The following CFAP46 variants were observed in gnomAD, a reference collection of about 807,000 sequenced individuals.
CFAP46 encodes the protein cilia and flagella associated protein 46, also known as cilia- and flagella-associated protein 46.
A neutral mutation model predicts 325.7 loss-of-function variants in CFAP46; 245 were observed. That is an observed-to-expected ratio of 0.75 (90% CI 0.68 to 0.84). CFAP46 has a LOEUF of 0.84. Among genes scored for constraint, CFAP46 ranks in the 40% least tolerant of loss-of-function variants. The probability of loss-of-function intolerance (pLI) is 0.00; values close to 1 mark genes in which losing one functional copy is unlikely to be tolerated. For missense variants in CFAP46, 3,346 were observed against 3,543.0 expected (o/e 0.94, Z 1.41); for synonymous variants, 1,523 against 1,495.9 (o/e 1.02, Z -0.42).
Position 132,916,583 on chromosome 10 carries a change from G to A in CFAP46, c.2086C>T (p.Pro696Ser). The part of the protein sequence containing the change: ...SQHPAGYVPE[P>S]PEVNAEWITY... ...ATCCACTCAGCATTCACCTCCGGGG[G>A]CTCAGGCACGTAGCCAGCTGGGTGC... Residue 696 changes from proline (P) to serine (S), a missense_variant, in exon 17 of 58, where the codon CCC becomes TCC. Transcript: ENST00000368586. The A allele has an allele frequency of 2.6e-6, 4 of 1,547,364 alleles. No individual in the cohort carries two copies. The highest frequency in any genetic ancestry group is 2.4e-5 in the South Asian group (2 of 83,854).
chr10:132,836,319 C>T, intron 45 of CFAP46, 101 bp from the exon 46 acceptor site: 1 of 1,097,758 alleles, frequency 9.1e-7, no homozygotes, highest in Non-Finnish European at 1.4e-6. Context: ...GAGGCCAACT[C>T]TGCAGACCAT....
At chr10:132,855,754 C>T (rs1031163634) in intron 39 of CFAP46, among the ~76,000 whole-genome samples, 6 of 152,174 alleles carry the variant, frequency 3.9e-5, no homozygotes, top group Non-Finnish European at 7.3e-5. Flanking sequence ...GCATAGAAAC[C>T]TTGCATTTGT....
chr10:132,825,281 GTGC>G lies in CFAP46; in HGVS notation c.7117+8074_7117+8076del, dbSNP rs565881519. On this transcript the variant is annotated intron_variant, in intron 50 of 57. Coordinates refer to ENST00000368586, the MANE Select transcript of CFAP46 (RefSeq NM_001200049.3). Reference sequence around the variant, plus strand: ...GTGAGTGCTGATGTGTGCTGTGTGTGTGCTGATGTGTGCTGTGTGTACTGATGT... The same window carrying G: ...GTGAGTGCTGATGTGTGCTGTGTGTGTGATGTGTGCTGTGTGTACTGATGT... Among the ~76,000 whole-genome samples the G allele has an allele frequency of 7.0e-3, 1,055 of 151,052 alleles. 12 individuals carry two copies. The Middle Eastern group carries it at 0.095, about 14-fold the overall frequency.
At position 132,814,181 on chromosome 10, in the gene CFAP46, C is replaced by T. The variant is rs374050226; in HGVS notation, c.7359G>A (p.Ala2453=). 7.2e-5 allele frequency: 116 copies of T among 1,613,914 alleles called. No individual in the cohort carries two copies. The highest frequency in any genetic ancestry group is 6.5e-4 in the Admixed American group (39 of 60,018). The change falls in exon 54 of 58, where the codon GCG becomes GCA. Residue 2453 remains alanine (A), a synonymous_variant. Transcript: ENST00000368586. ...RFQDTFTSRW[A]GHLGSKHFPS... ...GAAAGTGCTTGCTTCCCAGATGTCCCGCCCATCGCGACGTGAATGTGTCTT... is the reference window on the plus strand; with the variant it reads ...GAAAGTGCTTGCTTCCCAGATGTCCTGCCCATCGCGACGTGAATGTGTCTT...
In CFAP46 at chr10:132,884,359, G is replaced by A. The variant is rs571593947; in HGVS notation, c.3627+744C>T. ...AGACCCCCAACCATCCTCAGTTCCC[G>A]ATGCCAAGGGCCCCCTGGACCCCAG... On this transcript the variant is annotated intron_variant, in intron 27 of 57. Transcript: ENST00000368586. This position sits in a 1 kb window ranked among gnomAD's most constrained non-coding sequence, Gnocchi z 5.4. Among the ~76,000 whole-genome samples the A allele has an allele frequency of 5.9e-5, 9 of 152,288 alleles. No individual in the cohort carries two copies. Among genetic ancestry groups the A allele is most frequent in the East Asian group, 1.9e-4 (1 of 5,180 alleles).
intron 54 of CFAP46, among the ~76,000 whole-genome samples, chr10:132,813,174 C>G (rs545747147): frequency 6.6e-6 from 1 of 152,172 alleles, no homozygotes; most frequent in East Asian, 1.9e-4. Flanking sequence ...GCGGGAAACG[C>G]TAGGAGGGGC....
chr10:132,836,791 G>T, intron 45 of CFAP46, 26 bp downstream of exon 45: 1 of 1,592,782 alleles, frequency 6.3e-7, no homozygotes, highest in Non-Finnish European at 8.6e-7. Context: ...GCTGGGGGCG[G>T]CCTCAACAAG....
intron 44 of CFAP46, 151 bp downstream of exon 44, chr10:132,845,906 G>T: frequency 1.2e-6 from 1 of 850,634 alleles, no homozygotes; most frequent in Non-Finnish European, 1.8e-6. Context: ...GGCGACCCAG[G>T]TGCACATGGC....
chr10:132,824,954 T>G lies in CFAP46; in HGVS notation c.7117+8404A>C, dbSNP rs1351967665. 5.4e-5 allele frequency among the ~76,000 whole-genome samples: 8 copies of G among 148,898 alleles called. No individual in the cohort carries two copies. In the East Asian group the frequency reaches 1.4e-3, roughly 27 times the overall value. On this transcript the variant is annotated intron_variant, in intron 50 of 57. Coordinates refer to ENST00000368586, the MANE Select transcript of CFAP46 (RefSeq NM_001200049.3). ...TGTGTGTGCTGTGTGTGTGCTGATG[T>G]GTGCTGTGTGAGTGCTGATGTGTGC...
chr10:132,941,783 A>G (rs1210195655), intron 2 of CFAP46, 61 bp from the exon 3 acceptor site: 1 of 1,605,688 alleles, frequency 6.2e-7, no homozygotes, highest in Non-Finnish European at 8.5e-7. Flanking sequence ...CCTGCCCAGA[A>G]GCACCACGGG....
chr10:132,935,015 T>C (rs377607089), intron 7 of CFAP46, among the ~76,000 whole-genome samples, 153 bp from the exon 8 acceptor site: 4 of 152,118 alleles, frequency 2.6e-5, no homozygotes, highest in Non-Finnish European at 4.4e-5. Context: ...ATTCCTGAGA[T>C]GACTTTTCAC....
intron 35 of CFAP46, among the ~76,000 whole-genome samples, chr10:132,861,681 C>T (rs529368433): frequency 1.4e-4 from 21 of 152,350 alleles, no homozygotes; most frequent in Non-Finnish European, 2.6e-4. Flanking sequence ...GAGGAGAGGA[C>T]GGGAGCGGTG....
intron 39 of CFAP46, among the ~76,000 whole-genome samples, chr10:132,851,947 G>A (rs1054184363): frequency 1.3e-5 from 2 of 150,462 alleles, no homozygotes; most frequent in South Asian, 4.2e-4. Flanking sequence ...ATCCACAGAC[G>A]TGGTATGTTC....
In CFAP46 at chr10:132,847,440, G is replaced by T. The variant is rs530723586; in HGVS notation, c.5953-119C>A. ...CCTCAGCAGGGTCCCCGGGTAGGGG[G>T]TACCGCAGGCCACAGCATGGCCTCT... On this transcript the variant is annotated intron_variant, in intron 41 of 57. Transcript: ENST00000368586. This position sits in a 1 kb window ranked among gnomAD's most constrained non-coding sequence, Gnocchi z 5.2. 8.1e-7 allele frequency: 1 copy of T among 1,235,690 alleles called. No homozygotes were observed. Among genetic ancestry groups the T allele is most frequent in the Admixed American group, 1.9e-5 (1 of 51,822 alleles). The allele number at this position is 1,235,690 out of a possible 1,614,324, so 76.5% of individuals were successfully genotyped here.
chr10:132,824,455 GTGTGCTGA>G (rs376572101), intron 50 of CFAP46, among the ~76,000 whole-genome samples: 13 of 128,510 alleles, frequency 1.0e-4, no homozygotes, highest in Non-Finnish European at 1.6e-4. Flanking sequence ...GATGTGTGCT[GTGTGCTGA>G]TGTGTGCTGT....
chr10:132,937,021 T>C lies in CFAP46; in HGVS notation c.695A>G (p.Lys232Arg). The C allele has an allele frequency of 6.5e-7, 1 of 1,535,076 alleles. No individual in the cohort carries two copies. Among genetic ancestry groups the C allele is most frequent in the Non-Finnish European group, 8.8e-7 (1 of 1,130,684 alleles). ...RHELMDELQLKEEKKNSISLS... is the reference protein window; with the variant it reads ...RHELMDELQLREEKKNSISLS... ...GCTAATGGAATTTTTCTTTTCTTCC[T>C]TTAACTGAAGTTCGTCCATTAATTC... The change falls in exon 7 of 58, where the codon AAG becomes AGG. Residue 232 changes from lysine (K) to arginine (R), a missense_variant. Coordinates refer to ENST00000368586, the MANE Select transcript of CFAP46 (RefSeq NM_001200049.3).
Position 132,860,686 on chromosome 10 carries a change from G to A in CFAP46, c.5091+96C>T, listed in dbSNP as rs954110042. 41 of 1,360,212 alleles carry A rather than the reference G, an allele frequency of 3.0e-5. 1 individual carries two copies. The Middle Eastern group carries it at 7.0e-4, about 23-fold the overall frequency. 84.3% of individuals were successfully genotyped at this position (1,360,212 alleles called of 1,614,324 possible). A position where few individuals can be genotyped will look rare whatever the true frequency, so the allele number is the denominator to read the frequency against. ...AGGGATGGATCCAGGCGTGTCATCA[G>A]CGGTCTGCCAGGCAGAGCCCCATGG... is the stretch of plus-strand genomic sequence containing the variant. On this transcript the variant is annotated intron_variant, in intron 36 of 57. Transcript: ENST00000368586.
At chr10:132,842,165 T>C (rs1437996432) in intron 44 of CFAP46, among the ~76,000 whole-genome samples, 1 of 152,238 alleles carries the variant, frequency 6.6e-6, no homozygotes, top group Non-Finnish European at 1.5e-5. Flanking sequence ...TGGTTAGAAG[T>C]AGCCACGCAG....
rs1158074903 is a variant in CFAP46, at chr10:132,912,512, C to T, written c.2499+143G>A. On this transcript the variant is annotated intron_variant, in intron 19 of 57. Transcript: ENST00000368586. ...CTCCTCTTTCACCTCTCTCTCCTCT[C>T]CTCTCTCTCTCTTCACCTCTCTCCT... 4 of 568,984 alleles carry T rather than the reference C, an allele frequency of 7.0e-6. No homozygotes were observed. The African/African-American group carries it at 1.3e-4, about 19-fold the overall frequency. 35.2% of individuals were successfully genotyped at this position (568,984 alleles called of 1,614,324 possible). A position where few individuals can be genotyped will look rare whatever the true frequency, so the allele number is the denominator to read the frequency against.
Sources: allele counts gnomAD v4.1 joint callset (sites outside exome capture counted in the v4.1 genomes callset), GRCh38; gene constraint gnomAD v4.1.1; non-coding constraint Gnocchi (gnomAD v3.1); transcripts MANE v1.5; gene names NCBI Gene and HGNC (gene_info 2026-07-23, HGNC 2026-07-21).